PRMT2: variants seen among roughly 807,000 people sequenced by gnomAD.
PRMT2 encodes the protein protein arginine methyltransferase 2.
Under a neutral mutation model 57.6 loss-of-function variants are expected in PRMT2, and 26 were observed. That is an observed-to-expected ratio of 0.45 (90% CI 0.33 to 0.63). PRMT2 has a LOEUF of 0.63. Among genes scored for constraint, PRMT2 ranks in the 20% least tolerant of loss-of-function variants. PRMT2 has a pLI of 0.02. For synonymous variants in PRMT2, 219 were observed against 220.0 expected (o/e 1.00, Z 0.04); for missense variants, 472 against 564.4 (o/e 0.84, Z 1.66).
Position 46,658,934 on chromosome 21 carries a change from G to C in PRMT2, c.830+14G>C, listed in dbSNP as rs1313441452. On this transcript the variant is annotated intron_variant, in intron 8 of 11. Coordinates refer to ENST00000355680, the MANE Select transcript of PRMT2 (RefSeq NM_206962.4). The stretch of plus-strand genomic sequence containing the variant: ...CAGCGCTCTGAAGTAAGTGTCCACA[G>C]CTGGGACTGGCACCGTCTTGTGGGG... 6.2e-7 allele frequency: 1 copy of C among 1,606,898 alleles called. No individual in the cohort carries two copies. The highest frequency in any genetic ancestry group is 1.3e-5 in the African/African-American group (1 of 74,874).
At chr21:46,662,692 G>C (rs2061648872) in intron 10 of PRMT2, among the ~76,000 whole-genome samples, 1 of 152,162 alleles carries the variant, frequency 6.6e-6, no homozygotes, top group Admixed American at 6.5e-5. Context: ...CTGGAGACCT[G>C]AGGAGCCCCC....
rs184422613 is a variant in PRMT2 at position 46,647,347 on chromosome 21, C to T, written c.328-1111C>T. On this transcript the variant is annotated intron_variant, in intron 5 of 11. Coordinates refer to ENST00000355680, the MANE Select transcript of PRMT2 (RefSeq NM_206962.4). ...TGTGACTTTGTGAAATTTTTTCCCA[C>T]GTACAACTTTTTTCTTTGTATAGCC... 9.2e-5 allele frequency among the ~76,000 whole-genome samples: 14 copies of T among 152,210 alleles called. No homozygotes were observed. In the East Asian group the frequency reaches 1.9e-3, roughly 21 times the overall value.
chr21:46,647,943 T>C (rs1050029569), intron 5 of PRMT2, among the ~76,000 whole-genome samples: 3 of 152,198 alleles, frequency 2.0e-5, no homozygotes, highest in African/African-American at 7.2e-5. Flanking sequence ...CTTTGTAGGA[T>C]CTGCAAGAGC....
intron 7 of PRMT2, among the ~76,000 whole-genome samples, chr21:46,656,222 C>G: frequency 6.6e-6 from 1 of 152,172 alleles, no homozygotes; most frequent in East Asian, 1.9e-4. Flanking sequence ...CGTGCCAGCT[C>G]CCCTTTGCTT....
At chr21:46,641,105 CAG>C in intron 3 of PRMT2, among the ~76,000 whole-genome samples, 1 of 114,404 alleles carries the variant, frequency 8.7e-6, no homozygotes, top group Admixed American at 1.1e-4. Context: ...GCCTGGGTGA[CAG>C]AGGGTGACCT....
intron 9 of PRMT2, chr21:46,661,297 T>TA (rs1325107334): frequency 5.3e-6 from 1 of 189,916 alleles, no homozygotes; most frequent in Non-Finnish European, 1.1e-5. Context: ...ACAGTTTTTT[T>TA]CAAGTATTTT....
intron 7 of PRMT2, among the ~76,000 whole-genome samples, chr21:46,655,494 T>G (rs566539920): frequency 1.3e-5 from 2 of 152,130 alleles, no homozygotes; most frequent in Admixed American, 1.3e-4. Context: ...ATTGACAAAA[T>G]TCAACATCAG....
intron 3 of PRMT2, 76 bp downstream of exon 3, chr21:46,637,066 A>G: frequency 6.7e-7 from 1 of 1,501,294 alleles, no homozygotes; most frequent in Non-Finnish European, 9.2e-7. Flanking sequence ...GTCAGCTCAC[A>G]GATGTGATGG....
Position 46,648,726 on chromosome 21 carries a change from C to A in PRMT2, c.489+107C>A. The stretch of plus-strand genomic sequence containing the variant: ...TGACCCTGAGCTGTTGGGGGCTCAC[C>A]GGTGACTCCATGGTCTTGTTGAGCA... On this transcript the variant is annotated intron_variant, in intron 6 of 11. Transcript: ENST00000355680. This position sits in a 1 kb window ranked among gnomAD's most constrained non-coding sequence, Gnocchi z 4.8. The A allele has an allele frequency of 7.1e-7, 1 of 1,403,062 alleles. No individual in the cohort carries two copies. Among genetic ancestry groups the A allele is most frequent in the Non-Finnish European group, 9.8e-7 (1 of 1,019,060 alleles). The allele number at this position is 1,403,062 out of a possible 1,614,324, so 86.9% of individuals were successfully genotyped here. A position where few individuals can be genotyped will look rare whatever the true frequency, so the allele number is the denominator to read the frequency against.
chr21:46,651,908 T>A (rs1186138119), intron 7 of PRMT2: 1 of 1,613,018 alleles, frequency 6.2e-7, no homozygotes, highest in Non-Finnish European at 8.5e-7. Context: ...CACCTGTGCG[T>A]CTGTCCCTCT....
In PRMT2 at chr21:46,663,277, G is replaced by T. The variant is rs539651694; in HGVS notation, c.1098-106G>T. The stretch of plus-strand genomic sequence containing the variant: ...TCAGGGTGGACTGCCGGCTGTGTGG[G>T]TGCTGTTGGGGGCGAGAGCCAGTGC... On this transcript the variant is annotated intron_variant, in intron 10 of 11. Transcript: ENST00000355680. The T allele has an allele frequency of 8.9e-6, 10 of 1,122,356 alleles. No homozygotes were observed. The East Asian group carries it at 2.6e-4, about 29-fold the overall frequency. The allele number at this position is 1,122,356 out of a possible 1,614,324, so 69.5% of individuals were successfully genotyped here. A position where few individuals can be genotyped will look rare whatever the true frequency, so the allele number is the denominator to read the frequency against.
rs149555607 is a variant in PRMT2, at chr21:46,638,539, T to C, written c.39+1549T>C. Among the ~76,000 whole-genome samples, 1,067 of 152,348 alleles carry C rather than the reference T, an allele frequency of 7.0e-3. 5 individuals carry two copies. The highest frequency in any genetic ancestry group is 0.01 in the Middle Eastern group (3 of 294). On this transcript the variant is annotated intron_variant, in intron 3 of 11. Coordinates refer to ENST00000355680, the MANE Select transcript of PRMT2 (RefSeq NM_206962.4). ...TGCAAGTTTCAGTTTTACTGGATAA[T>C]GATCAGTTGTTCCCCACAATGACTT...
At chr21:46,661,978 C>CGCGGAGATGGGGGGA in intron 10 of PRMT2, 42 bp downstream of exon 10, 1 of 281,232 alleles carries the variant, frequency 3.6e-6, no homozygotes, top group Non-Finnish European at 5.2e-6. Flanking sequence ...GGGTGGGGGG[C>CGCGGAGATGGGGGGA]AGGGGAGTAG....
In PRMT2 at chr21:46,661,837, CG is replaced by C. The variant is rs1569165661; in HGVS notation, c.1002del (p.Thr335ProfsTer42). ...GAGCTGCGCTTCGACATCAGGAAGG[CG>C]GGGACCCTGCACGGCTTCACGGCCT... ...RGELRFDIRK[A>X]GTLHGFTAWF... On this transcript the variant is annotated frameshift_variant, in exon 10 of 12. Transcript: ENST00000355680. LOFTEE classifies it high-confidence loss of function. 2 of 1,504,418 alleles carry C rather than the reference CG, an allele frequency of 1.3e-6. No homozygotes were observed. The highest frequency in any genetic ancestry group is 1.8e-6 in the Non-Finnish European group (2 of 1,121,244). 93.2% of individuals were successfully genotyped at this position (1,504,418 alleles called of 1,614,324 possible).
chr21:46,658,891 C>G lies in PRMT2; in HGVS notation c.801C>G (p.Asn267Lys), dbSNP rs781148398. 1 of 1,614,116 alleles carries G rather than the reference C, an allele frequency of 6.2e-7. No homozygotes were observed. Among genetic ancestry groups the G allele is most frequent in the Non-Finnish European group, 8.5e-7 (1 of 1,180,002 alleles). The change falls in exon 8 of 12, where the codon AAC becomes AAG. Residue 267 changes from asparagine to lysine, a missense_variant. By Grantham distance (94) the Asn-to-Lys change is moderately conservative. Around this residue, in one of 2 missense-constraint regions of PRMT2, gnomAD observed 229 missense variants for 217.2 expected, o/e 1.05. Coordinates refer to ENST00000355680, the MANE Select transcript of PRMT2 (RefSeq NM_206962.4). ...GTAGCAAGGTGCTCTTCTGGGACAACGCGTACGAGTTCAACCTCAGCGCTC... is the reference window on the plus strand; with the variant it reads ...GTAGCAAGGTGCTCTTCTGGGACAAGGCGTACGAGTTCAACCTCAGCGCTC... ...DYRSKVLFWD[N>K]AYEFNLSALK... is the part of the protein sequence containing the mutation.
At position 46,655,795 on chromosome 21, in the gene PRMT2, A is replaced by G. The variant is rs541625003; in HGVS notation, c.655-2950A>G. Among the ~76,000 whole-genome samples, 4 of 152,368 alleles carry G rather than the reference A, an allele frequency of 2.6e-5. No individual in the cohort carries two copies. In the East Asian group the frequency reaches 7.7e-4, roughly 29 times the overall value. On this transcript the variant is annotated intron_variant, in intron 7 of 11. Transcript: ENST00000355680. ...TGCTGAAAATGATGAGATGATAATG[A>G]AAGAAACCCCAGAAAACCTAAATAA... is the stretch of plus-strand genomic sequence containing the variant.
At chr21:46,663,583 C>T (rs768459339) in intron 11 of PRMT2, 29 bp downstream of exon 11, 1 of 1,602,156 alleles carries the variant, frequency 6.2e-7, no homozygotes, top group Non-Finnish European at 8.5e-7. Flanking sequence ...AGATTCTGTC[C>T]TGTGGGTGCC....
At chr21:46,638,864 T>C (rs2061220526) in intron 3 of PRMT2, among the ~76,000 whole-genome samples, 1 of 152,224 alleles carries the variant, frequency 6.6e-6, no homozygotes, top group Non-Finnish European at 1.5e-5. Flanking sequence ...TTTATCTGTG[T>C]TGATTTCTCT....
intron 10 of PRMT2, among the ~76,000 whole-genome samples, chr21:46,662,252 G>C (rs754697266): frequency 6.6e-6 from 1 of 152,170 alleles, no homozygotes; most frequent in Non-Finnish European, 1.5e-5. Context: ...TTCATGGTCT[G>C]ACCCAAAGCG....
Sources: gnomAD v4.1 joint callset for allele counts (sites outside exome capture counted in the v4.1 genomes callset) on GRCh38, gnomAD v4.1.1 for gene constraint, gnomAD v4.1.1 regional missense constraint, Gnocchi (gnomAD v3.1) non-coding constraint, MANE v1.5 for transcripts, NCBI Gene and HGNC (gene_info 2026-07-23, HGNC 2026-07-21) for gene names.